PDGFRA: variants seen among roughly 807,000 people sequenced by gnomAD.
PDGFRA encodes the protein platelet-derived growth factor receptor alpha.
A neutral mutation model predicts 121.5 loss-of-function variants in PDGFRA; 25 were observed. That is an observed-to-expected ratio of 0.21 (90% confidence interval 0.15 to 0.29). PDGFRA has a LOEUF of 0.29. PDGFRA is among the 10% of genes least tolerant of loss of function. The probability of loss-of-function intolerance (pLI) is 1.00; values close to 1 mark genes in which losing one functional copy is unlikely to be tolerated. For synonymous variants in PDGFRA, 463 were observed against 494.8 expected (o/e 0.94, Z 0.85); for missense variants, 1,008 against 1,345.1 (o/e 0.75, Z 3.92).
intron 1 of PDGFRA, among the ~76,000 whole-genome samples, chr4:54,245,386 A>C (rs1248086931): frequency 6.6e-6 from 1 of 152,218 alleles, no homozygotes; most frequent in Non-Finnish European, 1.5e-5. Context: ...TCTACAAGCC[A>C]GAAGAGAGTG....
At chr4:54,282,319 T>A (rs911756109) in intron 16 of PDGFRA, among the ~76,000 whole-genome samples, 2 of 152,226 alleles carry the variant, frequency 1.3e-5, no homozygotes, top group Admixed American at 1.3e-4. Flanking sequence ...TCTGCTCAGT[T>A]TTTGGAGAGG....
chr4:54,276,446 G>A (rs192749781), intron 12 of PDGFRA, among the ~76,000 whole-genome samples: 67 of 152,188 alleles, frequency 4.4e-4, no homozygotes, highest in African/African-American at 1.5e-3. Flanking sequence ...TCTAGGCAGC[G>A]GACAAGGAGA....
intron 1 of PDGFRA, among the ~76,000 whole-genome samples, chr4:54,234,514 T>G (rs1160491482): frequency 6.6e-6 from 1 of 152,202 alleles, no homozygotes; most frequent in Non-Finnish European, 1.5e-5. Context: ...TTATTTTTTA[T>G]TTTTTATTTA....
chr4:54,290,629 C>T (rs1027181589), intron 22 of PDGFRA, 75 bp downstream of exon 22: 53 of 1,531,444 alleles, frequency 3.5e-5, no homozygotes, highest in African/African-American at 6.8e-5. Flanking sequence ...CCCATTTTCC[C>T]GATAATGGTG....
chr4:54,248,136 C>G (rs1342838303), intron 1 of PDGFRA, among the ~76,000 whole-genome samples: 1 of 152,184 alleles, frequency 6.6e-6, no homozygotes, highest in Non-Finnish European at 1.5e-5. Context: ...AATGGCCATA[C>G]TGCCTAAAGT....
chr4:54,274,216 A>G (rs577540094), intron 10 of PDGFRA, among the ~76,000 whole-genome samples: 2 of 152,348 alleles, frequency 1.3e-5, no homozygotes, highest in African/African-American at 4.8e-5. Context: ...GTCTGCCCAT[A>G]TAGTAGCTGT....
chr4:54,263,934 G>A lies in PDGFRA; in HGVS notation c.628+7G>A, dbSNP rs1257254451. ...AATGTTTATGCTTTAAAAGGTACTT[G>A]TATCATCTCCTTCCTTCTTTAAATA... On this transcript the variant is annotated splice_region_variant and intron_variant, in intron 4 of 22. Transcript: ENST00000257290. The A allele has an allele frequency of 6.2e-7, 1 of 1,612,230 alleles. No homozygotes were observed. Among genetic ancestry groups the A allele is most frequent in the South Asian group, 1.1e-5 (1 of 91,026 alleles).
chr4:54,231,239 T>A (rs1720645556), intron 1 of PDGFRA, among the ~76,000 whole-genome samples: 1 of 152,186 alleles, frequency 6.6e-6, no homozygotes, highest in Non-Finnish European at 1.5e-5. Context: ...ATGGGGCCCA[T>A]ATCAGGTCCC....
intron 15 of PDGFRA, chr4:54,279,098 G>T: frequency 3.4e-6 from 1 of 296,378 alleles, no homozygotes; most frequent in Non-Finnish European, 6.9e-6. Context: ...ATGGCCACAC[G>T]GCTCAAGTTC....
At chr4:54,249,803 A>T (rs893887944) in intron 1 of PDGFRA, among the ~76,000 whole-genome samples, 3 of 152,070 alleles carry the variant, frequency 2.0e-5, no homozygotes, top group East Asian at 1.9e-4. Context: ...AAATAAAAAA[A>T]TTTTTAAAAA....
chr4:54,290,904 A>C (rs1036730820), intron 22 of PDGFRA, among the ~76,000 whole-genome samples: 1 of 152,150 alleles, frequency 6.6e-6, no homozygotes, highest in South Asian at 2.1e-4. Flanking sequence ...TAGTCATTGA[A>C]CTGGGGAAAA....
At chr4:54,287,216 A>T (rs183614605) in intron 18 of PDGFRA, among the ~76,000 whole-genome samples, 231 of 152,186 alleles carry the variant, frequency 1.5e-3, no homozygotes, top group African/African-American at 4.9e-3. Flanking sequence ...GGCAATATTG[A>T]CCATTCATCA....
At chr4:54,285,338 C>T (rs2110335178) in intron 16 of PDGFRA, 33 bp from the exon 17 acceptor site, 1 of 851,918 alleles carries the variant, frequency 1.2e-6, no homozygotes, top group Non-Finnish European at 2.1e-6. Context: ...CTGCTGCCTG[C>T]CAGCACCAAT....
chr4:54,275,416 A>AG (rs1157062109), intron 12 of PDGFRA, among the ~76,000 whole-genome samples: 1 of 152,252 alleles, frequency 6.6e-6, no homozygotes, highest in Non-Finnish European at 1.5e-5. Context: ...ATAAAAATAT[A>AG]GGTACATTTT....
At chr4:54,248,878 A>C (rs1721867943) in intron 1 of PDGFRA, among the ~76,000 whole-genome samples, 1 of 152,216 alleles carries the variant, frequency 6.6e-6, no homozygotes, top group Non-Finnish European at 1.5e-5. Flanking sequence ...CAGGAAAAAA[A>C]CAAACAACCC....
chr4:54,246,050 C>T (rs1029022006), intron 1 of PDGFRA, among the ~76,000 whole-genome samples: 1 of 152,148 alleles, frequency 6.6e-6, no homozygotes, highest in Non-Finnish European at 1.5e-5. Context: ...AATACAGGAG[C>T]ACCCAGATTC....
intron 1 of PDGFRA, among the ~76,000 whole-genome samples, chr4:54,244,004 G>GGCC (rs1316460374): frequency 1.3e-5 from 2 of 152,256 alleles, no homozygotes; most frequent in African/African-American, 2.4e-5. Flanking sequence ...GCAGCAGCGA[G>GGCC]GCTGGGGGAG....
chr4:54,237,684 G>T (rs1292896319), intron 1 of PDGFRA, among the ~76,000 whole-genome samples: 1 of 152,236 alleles, frequency 6.6e-6, no homozygotes, highest in Non-Finnish European at 1.5e-5. Flanking sequence ...CCAGGCACAT[G>T]TCAGGATCCT....
rs751257703 is a variant in PDGFRA, at chr4:54,267,431, A to C, written c.902A>C (p.Glu301Ala). The C allele has an allele frequency of 1.2e-6, 2 of 1,614,216 alleles. No homozygotes were observed. Among genetic ancestry groups the C allele is most frequent in the Admixed American group, 3.3e-5 (2 of 60,020 alleles). The part of the protein sequence containing the change: ...AARQATREVK[E>A]MKKVTISVHE... ...CGCCAGGCTACCAGGGAGGTCAAAG[A>C]AATGAAGAAAGTCACTATTTCTGTC... The change falls in exon 6 of 23, where the codon GAA becomes GCA. Residue 301 changes from glutamate to alanine, a missense_variant. Transcript: ENST00000257290.
Sources: gnomAD v4.1 joint callset for allele counts (sites outside exome capture counted in the v4.1 genomes callset) on GRCh38, gnomAD v4.1.1 for gene constraint, MANE v1.5 for transcripts, NCBI Gene and HGNC (gene_info 2026-07-23, HGNC 2026-07-21) for gene names.